The following TMCC2 variants were observed in gnomAD, a reference collection of about 807,000 sequenced individuals.
The protein encoded by TMCC2 is transmembrane and coiled-coil domains protein 2.
In TMCC2, 16 loss-of-function variants were observed where a neutral mutation model predicts 49.4. That is an observed-to-expected ratio of 0.32 (90% CI 0.22 to 0.49). TMCC2 has a LOEUF of 0.49. Among genes scored for constraint, TMCC2 ranks in the 20% least tolerant of loss-of-function variants. The pLI is 0.99. For synonymous variants in TMCC2, 397 were observed against 434.1 expected, an observed-to-expected ratio of 0.91 and a Z score of 1.06; for missense variants, 762 against 989.8, an observed-to-expected ratio of 0.77 and a Z score of 3.09.
At chr1:205,267,924 T>A in intron 2 of TMCC2, 1 of 985,322 alleles carries the variant, frequency 1.0e-6, no homozygotes, top group Non-Finnish European at 1.2e-6. Flanking sequence ...CTTCTGGGGC[T>A]TTAGTCCTCG....
At position 205,230,826 on chromosome 1, in the gene TMCC2, C is replaced by T. The variant is rs973552546; in HGVS notation, c.207+2055C>T. On this transcript the variant is annotated intron_variant, in intron 1 of 4. Coordinates refer to ENST00000358024, the MANE Select transcript of TMCC2 (RefSeq NM_014858.4). ...CACTCTCCTGTATTATCTTTTTTTT[C>T]TTTCTTTCTTTCTTTTTTTTTGGCA... Among the ~76,000 whole-genome samples the T allele has an allele frequency of 8.6e-5, 12 of 139,624 alleles. No individual in the cohort carries two copies. In the East Asian group the frequency reaches 1.8e-3, roughly 20 times the overall value. 91.6% of individuals were successfully genotyped at this position (139,624 alleles called of 152,430 possible).
intron 1 of TMCC2, chr1:205,229,578 G>A (rs1659710472): frequency 1.6e-5 from 14 of 888,664 alleles, no homozygotes; most frequent in Admixed American, 6.4e-5. Context: ...GGGCGGGGGG[G>A]GAAGGTGGAT....
At chr1:205,230,825 T>TC (rs1659762048) in intron 1 of TMCC2, among the ~76,000 whole-genome samples, 1 of 140,362 alleles carries the variant, frequency 7.1e-6, no homozygotes. Flanking sequence ...ATCTTTTTTT[T>TC]CTTTCTTTCT....
intron 2 of TMCC2, among the ~76,000 whole-genome samples, chr1:205,262,005 T>C (rs1661136782): frequency 6.6e-6 from 1 of 152,248 alleles, no homozygotes; most frequent in South Asian, 2.1e-4. Context: ...TAATTTTCTT[T>C]CCTTTGTTAA....
chr1:205,251,637 A>G (rs1660673354), intron 2 of TMCC2, among the ~76,000 whole-genome samples: 1 of 152,210 alleles, frequency 6.6e-6, no homozygotes, highest in Non-Finnish European at 1.5e-5. Flanking sequence ...TTCATTGTAT[A>G]AGGTTTCTTC....
intron 2 of TMCC2, among the ~76,000 whole-genome samples, chr1:205,248,267 G>C (rs1277938531): frequency 6.6e-6 from 1 of 152,010 alleles, no homozygotes; most frequent in Admixed American, 6.6e-5. Flanking sequence ...AAATTAGCCG[G>C]GTGTGGTAGC....
At position 205,228,411 on chromosome 1, in the gene TMCC2, A is replaced by T. The variant is rs1176936972; in HGVS notation, c.-154A>T. ...CGCCCCTCCCTCACCCGCCTTTAAG[A>T]ATTTTTTTTTTAATTCAAGAAATTG... On this transcript the variant is annotated 5_prime_UTR_variant, in exon 1 of 5. Transcript: ENST00000358024. The T allele has an allele frequency of 3.2e-6, 2 of 622,900 alleles. No homozygotes were observed. The highest frequency in any genetic ancestry group is 3.7e-5 in the African/African-American group (2 of 54,404). 38.6% of individuals were successfully genotyped at this position (622,900 alleles called of 1,614,324 possible). A position where few individuals can be genotyped will look rare whatever the true frequency, so the allele number is the denominator to read the frequency against.
chr1:205,250,968 T>C (rs1174894588), intron 2 of TMCC2, among the ~76,000 whole-genome samples: 3 of 152,176 alleles, frequency 2.0e-5, no homozygotes, highest in African/African-American at 7.2e-5. Context: ...CGTTCTTCCC[T>C]GGATCTGCCA....
Position 205,272,278 on chromosome 1 carries a change from C to T in TMCC2, c.*154C>T. The T allele has an allele frequency of 7.2e-7, 1 of 1,386,464 alleles. No homozygotes were observed. The highest frequency in any genetic ancestry group is 9.5e-7 in the Non-Finnish European group (1 of 1,053,036). 85.9% of individuals were successfully genotyped at this position (1,386,464 alleles called of 1,614,324 possible). A position where few individuals can be genotyped will look rare whatever the true frequency, so the allele number is the denominator to read the frequency against. The stretch of plus-strand genomic sequence containing the variant: ...CCCCCTTCTCTGTACTTGCTTCTGT[C>T]TGACACCTTCTCCCTGTTGGCCTGA... On this transcript the variant is annotated 3_prime_UTR_variant, in exon 5 of 5. Transcript: ENST00000358024.
At chr1:205,253,508 C>T (rs1240754101) in intron 2 of TMCC2, among the ~76,000 whole-genome samples, 2 of 152,170 alleles carry the variant, frequency 1.3e-5, no homozygotes, top group Non-Finnish European at 2.9e-5. Context: ...CTCAGCTGCC[C>T]ATCCTGTGAA....
chr1:205,259,623 G>C (rs1473394137), intron 2 of TMCC2, among the ~76,000 whole-genome samples: 1 of 152,206 alleles, frequency 6.6e-6, no homozygotes, highest in Non-Finnish European at 1.5e-5. Context: ...TGCTGGGCTA[G>C]TGTGTGAGAG....
intron 2 of TMCC2, among the ~76,000 whole-genome samples, chr1:205,253,615 G>A (rs1660753224): frequency 6.6e-6 from 1 of 152,246 alleles, no homozygotes; most frequent in African/African-American, 2.4e-5. Flanking sequence ...ACCAAGAAGT[G>A]CAAGTGATGT....
In TMCC2 at chr1:205,257,183, C is replaced by T. The variant is rs1190947683; in HGVS notation, c.748-11767C>T. 7.3e-6 allele frequency: 9 copies of T among 1,232,416 alleles called. No individual in the cohort carries two copies. In the East Asian group the frequency reaches 1.9e-4, roughly 26 times the overall value. The allele number at this position is 1,232,416 out of a possible 1,614,324, so 76.3% of individuals were successfully genotyped here. ...CCTAGAGCAATCCGCCCCTAATCCC[C>T]AGGCTGTGCCTCAGTCTGGAGATGG... On this transcript the variant is annotated intron_variant, in intron 2 of 4. Transcript: ENST00000358024.
chr1:205,243,588 G>A (rs899896725), intron 2 of TMCC2, among the ~76,000 whole-genome samples: 3 of 152,220 alleles, frequency 2.0e-5, no homozygotes, highest in Non-Finnish European at 2.9e-5. Context: ...AAAGGGAGGC[G>A]TAGAGGATGA....
At chr1:205,240,313 G>A (rs116528606) in intron 1 of TMCC2, among the ~76,000 whole-genome samples, 3,712 of 152,370 alleles carry the variant, frequency 0.024, 62 homozygotes, top group East Asian at 0.067. Context: ...CAGTCTTGCC[G>A]GAAGAGCAGC....
intron 2 of TMCC2, among the ~76,000 whole-genome samples, chr1:205,250,109 C>A (rs1231338988): frequency 6.6e-6 from 1 of 152,222 alleles, no homozygotes; most frequent in Non-Finnish European, 1.5e-5. Flanking sequence ...TGTTTCTGAC[C>A]TAAAGCTCTG....
chr1:205,262,290 G>A (rs61128244), intron 2 of TMCC2, among the ~76,000 whole-genome samples: 2,907 of 152,270 alleles, frequency 0.019, 89 homozygotes, highest in African/African-American at 0.066. Context: ...AAAAGCCGGC[G>A]TCCTGCTGCA....
At chr1:205,256,273 A>G in intron 2 of TMCC2, 1 of 1,543,060 alleles carries the variant, frequency 6.5e-7, no homozygotes, top group Non-Finnish European at 8.7e-7. Context: ...GAGATCCAGC[A>G]GGCCCCAGGA....
chr1:205,245,069 T>G (rs1558647341), intron 2 of TMCC2, among the ~76,000 whole-genome samples: 1 of 152,102 alleles, frequency 6.6e-6, no homozygotes, highest in Non-Finnish European at 1.5e-5. Flanking sequence ...AGATGCCCCC[T>G]TGGACAGTGG....
Sources: gnomAD v4.1 joint callset for allele counts (sites outside exome capture counted in the v4.1 genomes callset) on GRCh38, gnomAD v4.1.1 for gene constraint, MANE v1.5 for transcripts, NCBI Gene and HGNC (gene_info 2026-07-23, HGNC 2026-07-21) for gene names.